Variants in DAB1 observed in about 807,000 individuals in gnomAD.
DAB1 encodes DAB adaptor protein 1, also known as disabled homolog 1.
A neutral mutation model predicts 64.6 loss-of-function variants in DAB1; 15 were observed. That is an observed-to-expected ratio of 0.23 (90% CI 0.16 to 0.36). The LOEUF is 0.36. DAB1 is among the 10% of genes least tolerant of loss of function. The pLI is 1.00. For missense variants in DAB1, 596 were observed against 706.7 expected (o/e 0.84, Z 1.78); for synonymous variants, 235 against 251.9 (o/e 0.93, Z 0.64).
At chr1:58,176,096 T>C (rs1656459046) in intron 4 of DAB1, among the ~76,000 whole-genome samples, 4 of 152,164 alleles carry the variant, frequency 2.6e-5, no homozygotes, top group Non-Finnish European at 5.9e-5. Flanking sequence ...CAGAGCCACA[T>C]ATAATCTGAC....
At chr1:58,038,574 G>T (rs1237079387) in intron 5 of DAB1, among the ~76,000 whole-genome samples, 1 of 119,810 alleles carries the variant, frequency 8.3e-6, no homozygotes, top group Non-Finnish European at 1.9e-5. Flanking sequence ...GGTTTAATAA[G>T]CTCCTTTTTT....
chr1:58,139,508 T>C (rs1654159560), intron 5 of DAB1, among the ~76,000 whole-genome samples: 1 of 152,034 alleles, frequency 6.6e-6, no homozygotes, highest in Admixed American at 6.6e-5. Context: ...AACCATCAGA[T>C]CTTGTGAGAA....
chr1:57,444,667 A>C (rs554483739), intron 7 of DAB1, among the ~76,000 whole-genome samples: 16 of 152,338 alleles, frequency 1.1e-4, no homozygotes, highest in African/African-American at 2.9e-4. Flanking sequence ...GAGAAGAGGA[A>C]GAGGTAATGT....
chr1:58,028,539 A>T (rs1280334973), intron 5 of DAB1, among the ~76,000 whole-genome samples: 1 of 152,192 alleles, frequency 6.6e-6, no homozygotes, highest in Non-Finnish European at 1.5e-5. Context: ...AAATCACAAA[A>T]AAATGCTAAA....
intron 1 of DAB1, among the ~76,000 whole-genome samples, chr1:57,292,772 T>A (rs72905439): frequency 0.022 from 3,284 of 152,210 alleles, 115 homozygotes; most frequent in African/African-American, 0.075. Flanking sequence ...AAGGGTTGTT[T>A]CCTGTCCTCC....
At chr1:57,148,818 A>T (rs1211521136) in intron 2 of DAB1, among the ~76,000 whole-genome samples, 2 of 152,240 alleles carry the variant, frequency 1.3e-5, no homozygotes, top group Non-Finnish European at 2.9e-5. Flanking sequence ...CCACAGCATA[A>T]CCTGAATGTT....
chr1:57,157,532 G>A lies in DAB1; in HGVS notation c.68-12103C>T, dbSNP rs115211815. Among the ~76,000 whole-genome samples, 2 of 151,988 alleles carry A rather than the reference G, an allele frequency of 1.3e-5. 1 individual carries two copies. Among genetic ancestry groups the A allele is most frequent in the South Asian group, 4.1e-4 (2 of 4,822 alleles). On this transcript the variant is annotated intron_variant, in intron 2 of 14. Transcript: ENST00000371236. The stretch of plus-strand genomic sequence containing the variant: ...GCTTGCAGATTGCCACTGTCTCACT[G>A]TGTGCTCAGAAGATCTCTTTTTGTG...
intron 4 of DAB1, among the ~76,000 whole-genome samples, chr1:58,210,300 G>A (rs1389076489): frequency 2.0e-5 from 3 of 152,164 alleles, no homozygotes; most frequent in Non-Finnish European, 4.4e-5. Context: ...ACAAGGAAAG[G>A]CACAGAAGCT....
chr1:57,761,271 G>A (rs542182455), intron 6 of DAB1, among the ~76,000 whole-genome samples: 7 of 152,206 alleles, frequency 4.6e-5, no homozygotes, highest in Non-Finnish European at 8.8e-5. Flanking sequence ...GAAGACATCA[G>A]GTTTGGAGCC....
At chr1:58,481,672 T>G (rs779149089) in intron 3 of DAB1, among the ~76,000 whole-genome samples, 18 of 151,206 alleles carry the variant, frequency 1.2e-4, no homozygotes, top group Non-Finnish European at 2.2e-4. Flanking sequence ...AATCTCATCT[T>G]GAATTGCAGT....
At chr1:58,052,795 C>A (rs1022116061) in intron 5 of DAB1, among the ~76,000 whole-genome samples, 2 of 152,100 alleles carry the variant, frequency 1.3e-5, no homozygotes, top group South Asian at 2.1e-4. Context: ...GTATTTTATT[C>A]TCTTTGTAGC....
At chr1:57,966,242 G>A (rs1645663261) in intron 5 of DAB1, among the ~76,000 whole-genome samples, 1 of 152,116 alleles carries the variant, frequency 6.6e-6, no homozygotes, top group South Asian at 2.1e-4. Flanking sequence ...AAAATTCTTG[G>A]CAGCTTCTTT....
At chr1:57,060,794 G>A (rs941445450) in intron 9 of DAB1, among the ~76,000 whole-genome samples, 3 of 152,024 alleles carry the variant, frequency 2.0e-5, no homozygotes, top group Admixed American at 1.3e-4. Flanking sequence ...AGGCTGGAGA[G>A]GGGACCTTCA....
chr1:58,275,399 T>C (rs532860125), intron 4 of DAB1, among the ~76,000 whole-genome samples: 1 of 152,278 alleles, frequency 6.6e-6, no homozygotes, highest in African/African-American at 2.4e-5. Flanking sequence ...GGCAAACTTT[T>C]GGGAGAAAGT....
At chr1:58,064,333 A>C (rs1648701748) in intron 5 of DAB1, among the ~76,000 whole-genome samples, 1 of 152,162 alleles carries the variant, frequency 6.6e-6, no homozygotes, top group South Asian at 2.1e-4. Context: ...CCAGATCTGG[A>C]AGCACCTTCC....
chr1:57,949,607 C>T (rs944424871), intron 5 of DAB1, among the ~76,000 whole-genome samples: 2 of 151,992 alleles, frequency 1.3e-5, no homozygotes, highest in Non-Finnish European at 2.9e-5. Flanking sequence ...GAATACATTA[C>T]TTAGATTTTC....
At chr1:58,068,525 G>C (rs538468180) in intron 5 of DAB1, among the ~76,000 whole-genome samples, 7 of 152,082 alleles carry the variant, frequency 4.6e-5, no homozygotes, top group African/African-American at 9.7e-5. Flanking sequence ...CAGCACTTTG[G>C]GGGGCAGAGG....
chr1:58,485,800 C>T (rs898149961), intron 3 of DAB1, among the ~76,000 whole-genome samples: 1 of 152,088 alleles, frequency 6.6e-6, no homozygotes, highest in Non-Finnish European at 1.5e-5. Flanking sequence ...ACGCACTGCA[C>T]ATAACAGGCA....
chr1:57,486,229 C>T (rs1474030529), intron 7 of DAB1, among the ~76,000 whole-genome samples: 2 of 152,184 alleles, frequency 1.3e-5, no homozygotes, highest in African/African-American at 4.8e-5. Context: ...GGCTCTGGGA[C>T]ATCGATATTG....
Sources: allele counts gnomAD v4.1 joint callset (sites outside exome capture counted in the v4.1 genomes callset), GRCh38; gene constraint gnomAD v4.1.1; transcripts MANE v1.5; gene names NCBI Gene and HGNC (gene_info 2026-07-23, HGNC 2026-07-21).